Variants in PDE11A observed in about 807,000 individuals in gnomAD.
PDE11A encodes phosphodiesterase 11A.
A neutral mutation model predicts 100.5 loss-of-function variants in PDE11A; 100 were observed. The ratio of observed to expected loss-of-function variants is 1.00; its 90% CI spans 0.85 to 1.18. The LOEUF is 1.18. Among genes scored for constraint, PDE11A ranks in the 50% most tolerant of loss-of-function variants. PDE11A has a pLI of 0.00. For synonymous variants in PDE11A, 381 were observed against 420.8 expected (o/e 0.91, Z 1.16); for missense variants, 1,141 against 1,152.6 (o/e 0.99, Z 0.15).
intron 2 of PDE11A, among the ~76,000 whole-genome samples, chr2:177,979,671 C>A (rs2085856311): frequency 7.5e-6 from 1 of 132,956 alleles, no homozygotes; most frequent in Non-Finnish European, 1.6e-5. Flanking sequence ...AGTGCAGTGG[C>A]GCAATCTCAG....
intron 2 of PDE11A, chr2:177,921,666 A>G (rs1467414410): frequency 6.6e-6 from 1 of 152,058 alleles, no homozygotes; most frequent in Admixed American, 6.6e-5. Context: ...TTTCTCCTTC[A>G]CTATACATAT....
At chr2:177,883,127 C>T (rs1045729076) in intron 4 of PDE11A, among the ~76,000 whole-genome samples, 40 of 151,882 alleles carry the variant, frequency 2.6e-4, no homozygotes, top group African/African-American at 9.2e-4. Flanking sequence ...AAATTAGCCA[C>T]GCATGGTGGC....
intron 6 of PDE11A, among the ~76,000 whole-genome samples, chr2:177,824,994 G>A (rs926287455): frequency 6.6e-6 from 1 of 152,138 alleles, no homozygotes; most frequent in Admixed American, 6.6e-5. Context: ...AATAAACACA[G>A]ATAATTTGTC....
At chr2:178,084,949 T>C (rs777617937) in intron 2 of PDE11A, among the ~76,000 whole-genome samples, 1 of 152,316 alleles carries the variant, frequency 6.6e-6, no homozygotes, top group African/African-American at 2.4e-5. Flanking sequence ...AGAAGCTTCA[T>C]GAAACATCAG....
intron 6 of PDE11A, among the ~76,000 whole-genome samples, chr2:177,821,069 T>C (rs1176534929): frequency 1.3e-5 from 2 of 151,888 alleles, no homozygotes; most frequent in African/African-American, 2.4e-5. Flanking sequence ...CAATAAGATA[T>C]GAAGGTTTTG....
intron 16 of PDE11A, among the ~76,000 whole-genome samples, chr2:177,679,241 A>C (rs2080824919): frequency 6.6e-6 from 1 of 152,134 alleles, no homozygotes; most frequent in African/African-American, 2.4e-5. Flanking sequence ...AGGAATGGGT[A>C]AATACTCTGT....
intron 10 of PDE11A, among the ~76,000 whole-genome samples, chr2:177,756,521 G>A (rs1372270306): frequency 6.6e-6 from 1 of 152,190 alleles, no homozygotes; most frequent in African/African-American, 2.4e-5. Flanking sequence ...GGTTTACGGA[G>A]TTGTTTGACA....
At chr2:177,917,881 T>C (rs2084977346) in intron 2 of PDE11A, among the ~76,000 whole-genome samples, 2 of 152,156 alleles carry the variant, frequency 1.3e-5, no homozygotes, top group Non-Finnish European at 2.9e-5. Flanking sequence ...CCAGTAATAT[T>C]CTCCAGTGGA....
intron 6 of PDE11A, among the ~76,000 whole-genome samples, chr2:177,824,845 G>A (rs1363493108): frequency 6.6e-6 from 1 of 152,136 alleles, no homozygotes; most frequent in African/African-American, 2.4e-5. Context: ...AATGATAATA[G>A]TGTACATGCC....
intron 2 of PDE11A, among the ~76,000 whole-genome samples, chr2:177,944,546 T>C (rs1180111057): frequency 1.3e-5 from 2 of 152,234 alleles, no homozygotes; most frequent in Non-Finnish European, 2.9e-5. Flanking sequence ...TGCTTCACAT[T>C]CTTTGCTATA....
At chr2:178,098,451 AACAT>A (rs759131941) in intron 2 of PDE11A, among the ~76,000 whole-genome samples, 6 of 152,226 alleles carry the variant, frequency 3.9e-5, no homozygotes, top group Non-Finnish European at 8.8e-5. Context: ...TAGAAATAAC[AACAT>A]ACATAAGTGG....
chr2:177,758,904 C>T (rs956163194), intron 10 of PDE11A, among the ~76,000 whole-genome samples: 2 of 152,134 alleles, frequency 1.3e-5, no homozygotes, highest in South Asian at 2.1e-4. Flanking sequence ...CCAGGTCATG[C>T]GTACACACAA....
intron 3 of PDE11A, among the ~76,000 whole-genome samples, chr2:177,902,499 C>T (rs1433426392): frequency 6.6e-6 from 1 of 152,164 alleles, no homozygotes; most frequent in Non-Finnish European, 1.5e-5. Flanking sequence ...GTTGAATAGG[C>T]CCTGCTTCTT....
intron 15 of PDE11A, among the ~76,000 whole-genome samples, chr2:177,691,264 C>A (rs985478416): frequency 1.3e-5 from 2 of 152,166 alleles, no homozygotes; most frequent in South Asian, 2.1e-4. Context: ...GAATTTTCAA[C>A]CCCTGGTGCA....
At chr2:178,093,748 G>C (rs1410501927) in intron 2 of PDE11A, among the ~76,000 whole-genome samples, 2 of 152,180 alleles carry the variant, frequency 1.3e-5, no homozygotes, top group Non-Finnish European at 2.9e-5. Context: ...AAAAAGAATA[G>C]GATATATCAG....
chr2:178,039,097 A>T (rs1056635276), intron 1 of PDE11A: 12 of 152,326 alleles, frequency 7.9e-5, no homozygotes, highest in African/African-American at 2.6e-4. Context: ...CCTATTAACA[A>T]TAACAAAGAC....
chr2:177,776,909 G>T lies in PDE11A; in HGVS notation c.1738-7536C>A, dbSNP rs193047151. 3.3e-5 allele frequency among the ~76,000 whole-genome samples: 5 copies of T among 152,232 alleles called. No individual in the cohort carries two copies. The East Asian group carries it at 9.7e-4, about 29-fold the overall frequency. On this transcript the variant is annotated intron_variant, in intron 9 of 19. Transcript: ENST00000286063. The stretch of plus-strand genomic sequence containing the variant: ...GGTAGGAACCTGGTGGGAGGTAACT[G>T]AAGCATGGGGGGGCAGTTACCCTCA...
rs975080910 is a variant in PDE11A, at chr2:178,014,152, C to T, written c.1071+150G>A. 7.4e-5 allele frequency: 47 copies of T among 632,934 alleles called. No homozygotes were observed. In the African/African-American group the frequency reaches 8.3e-4, roughly 11 times the overall value. The allele number at this position is 632,934 out of a possible 1,614,324, so 39.2% of individuals were successfully genotyped here. On this transcript the variant is annotated intron_variant, in intron 2 of 19. Coordinates refer to ENST00000286063, the MANE Select transcript of PDE11A (RefSeq NM_016953.4). ...CATTCTATGAAATATCGAAAAACTC[C>T]CATTTCATTTTGTATACCATGAGAA...
At chr2:178,096,629 G>A (rs548560287) in intron 2 of PDE11A, among the ~76,000 whole-genome samples, 2 of 152,284 alleles carry the variant, frequency 1.3e-5, no homozygotes, top group South Asian at 4.1e-4. Context: ...TAGGACAGGG[G>A]CAAAATGCCG....
Sources: allele counts gnomAD v4.1 joint callset (sites outside exome capture counted in the v4.1 genomes callset), GRCh38; gene constraint gnomAD v4.1.1; transcripts MANE v1.5; gene names NCBI Gene and HGNC (gene_info 2026-07-23, HGNC 2026-07-21).